The following GBP4 variants were observed in gnomAD, a reference collection of about 807,000 sequenced individuals.
The protein encoded by GBP4 is guanylate binding protein 4, also known as guanylate-binding protein 4.
In GBP4, 69 loss-of-function variants were observed where a neutral mutation model predicts 62.2. The observed-to-expected ratio is 1.11, with a 90% confidence interval of 0.91 to 1.36. GBP4 has a LOEUF of 1.36. Ranked by LOEUF, GBP4 falls within the 40% of genes most tolerant of loss-of-function variation. The pLI, the probability that GBP4 is intolerant of heterozygous loss-of-function variation, is 0.00. For synonymous variants in GBP4, 278 were observed against 274.6 expected (o/e 1.01, Z -0.12); for missense variants, 697 against 759.3 (o/e 0.92, Z 0.96).
rs1648142025 is a variant in GBP4 at position 89,190,160 on chromosome 1, G to A, written c.1075C>T (p.Leu359Phe). 16 of 1,614,046 alleles carry A rather than the reference G, an allele frequency of 9.9e-6. No individual in the cohort carries two copies. In the East Asian group the frequency reaches 3.6e-4, roughly 36 times the overall value. Residue 359 changes from leucine to phenylalanine, a missense_variant, in exon 7 of 11, where the codon CTC (leucine) becomes TTC (phenylalanine). This residue lies in a region of GBP4 where 556 missense variants were observed against 562.7 expected (regional missense o/e 0.99). Transcript: ENST00000355754. ...AGCTCCTGGAGCGTGTCTGTGGGGA[G>A]CCTCAGTTGCTGGGCCATCTGCTGG... The part of the protein sequence containing the change: ...YSQQMAQQLR[L>F]PTDTLQELLD...
chr1:89,187,444 C>T (rs573372719), intron 8 of GBP4, among the ~76,000 whole-genome samples: 5 of 152,176 alleles, frequency 3.3e-5, no homozygotes, highest in African/African-American at 9.6e-5. Context: ...GATTTGACAT[C>T]AAAAGCACAG....
At chr1:89,195,655 A>G (rs1648317023) in intron 2 of GBP4, among the ~76,000 whole-genome samples, 2 of 152,194 alleles carry the variant, frequency 1.3e-5, no homozygotes, top group Admixed American at 6.5e-5. Flanking sequence ...AATGGTGCCG[A>G]GCTGCTGAGC....
Position 89,185,242 on chromosome 1 carries a change from A to C in GBP4, c.*12T>G, listed in dbSNP as rs1648002675. On this transcript the variant is annotated 3_prime_UTR_variant, in exon 11 of 11. Coordinates refer to ENST00000355754, the MANE Select transcript of GBP4 (RefSeq NM_052941.5). Reference sequence around the variant, plus strand: ...CTCATTTTATATTTTCTTACCTGGAATATTCAGGCTCTTAAATACGTGAGC... The same window carrying C: ...CTCATTTTATATTTTCTTACCTGGACTATTCAGGCTCTTAAATACGTGAGC... The C allele has an allele frequency of 3.4e-6, 5 of 1,488,994 alleles. No individual in the cohort carries two copies. The highest frequency in any genetic ancestry group is 4.7e-6 in the Non-Finnish European group (5 of 1,071,264). The allele number at this position is 1,488,994 out of a possible 1,614,324, so 92.2% of individuals were successfully genotyped here.
chr1:89,197,099 AC>A lies in GBP4; in HGVS notation c.235+10del. The stretch of plus-strand genomic sequence containing the variant: ...CCAAGTAAATGGCTCCTGTCCTAGG[AC>A]CACACTCACCATTGCGCTTTCCTGC... On this transcript the variant is annotated intron_variant, in intron 2 of 10. Coordinates refer to ENST00000355754, the MANE Select transcript of GBP4 (RefSeq NM_052941.5). The A allele has an allele frequency of 1.2e-6, 2 of 1,605,398 alleles. No individual in the cohort carries two copies. Among genetic ancestry groups the A allele is most frequent in the African/African-American group, 1.3e-5 (1 of 74,920 alleles).
chr1:89,193,435 G>C (rs1406485389), intron 3 of GBP4, 23 bp from the exon 4 acceptor site: 1 of 1,572,554 alleles, frequency 6.4e-7, no homozygotes, highest in South Asian at 1.1e-5. Context: ...TAAAGCAAAA[G>C]ACTTAGGAGT....
In GBP4 at chr1:89,184,954, A is replaced by T. The variant is rs1353681063; in HGVS notation, c.*300T>A. 2 of 224,126 alleles carry T rather than the reference A, an allele frequency of 8.9e-6. No individual in the cohort carries two copies. The highest frequency in any genetic ancestry group is 1.7e-5 in the Non-Finnish European group (2 of 116,244). The allele number at this position is 224,126 out of a possible 1,614,324, so 13.9% of individuals were successfully genotyped here. On this transcript the variant is annotated 3_prime_UTR_variant, in exon 11 of 11. Coordinates refer to ENST00000355754, the MANE Select transcript of GBP4 (RefSeq NM_052941.5). ...TTCTGTGACTATAATATAAATTGCAAATGGTTAATGGCTTCTTAATCTTAC... is the reference window on the plus strand; with the variant it reads ...TTCTGTGACTATAATATAAATTGCATATGGTTAATGGCTTCTTAATCTTAC...
At chr1:89,197,011 G>A (rs1436864937) in intron 2 of GBP4, 99 bp downstream of exon 2, 4 of 904,998 alleles carry the variant, frequency 4.4e-6, no homozygotes, top group Non-Finnish European at 4.9e-6. Flanking sequence ...TTCATTGGGA[G>A]AAGTCATGCC....
chr1:89,197,855 G>A (rs1360616209), intron 1 of GBP4, among the ~76,000 whole-genome samples: 1 of 152,094 alleles, frequency 6.6e-6, no homozygotes, highest in African/African-American at 2.4e-5. Flanking sequence ...GCCTCTTGGA[G>A]CTCTATTTGT....
At chr1:89,195,220 T>G (rs140060453) in intron 3 of GBP4, 77 bp downstream of exon 3, 1 of 1,427,444 alleles carries the variant, frequency 7.0e-7, no homozygotes, top group Non-Finnish European at 9.7e-7. Context: ...TACAGAGATA[T>G]GTACAGAAGT....
At chr1:89,186,757 A>C (rs1044932969) in intron 9 of GBP4, among the ~76,000 whole-genome samples, 1 of 152,240 alleles carries the variant, frequency 6.6e-6, no homozygotes, top group Non-Finnish European at 1.5e-5. Flanking sequence ...AGCAGAGTAT[A>C]TGTTCTATAG....
chr1:89,191,586 G>T, intron 5 of GBP4, 80 bp from the exon 6 acceptor site: 1 of 1,361,822 alleles, frequency 7.3e-7, no homozygotes, highest in Non-Finnish European at 1.0e-6. Context: ...AGGGATCTTT[G>T]CATCCCTGCA....
In GBP4 at chr1:89,185,174, T is replaced by TA. The variant is rs1331021099; in HGVS notation, c.*79dup. On this transcript the variant is annotated 3_prime_UTR_variant, in exon 11 of 11. Coordinates refer to ENST00000355754, the MANE Select transcript of GBP4 (RefSeq NM_052941.5). ...ATGAAACTGCTATAACACATATACT[T>TA]ACAAAATGAGCAACAGTGTTATGTT... The TA allele has an allele frequency of 1.1e-6, 1 of 880,540 alleles. No individual in the cohort carries two copies. The highest frequency in any genetic ancestry group is 2.5e-5 in the East Asian group (1 of 39,646). 54.5% of individuals were successfully genotyped at this position (880,540 alleles called of 1,614,324 possible).
intron 1 of GBP4, among the ~76,000 whole-genome samples, chr1:89,197,937 C>T (rs762374818): frequency 1.3e-5 from 2 of 151,940 alleles, no homozygotes; most frequent in Non-Finnish European, 2.9e-5. Context: ...AGCCGGCGAC[C>T]GAGAGACGGC....
intron 8 of GBP4, among the ~76,000 whole-genome samples, chr1:89,187,762 A>G (rs60090783): frequency 5.5e-4 from 84 of 152,376 alleles, no homozygotes; most frequent in African/African-American, 1.9e-3. Flanking sequence ...CATCAGGGAA[A>G]TGCAAATCAA....
At position 89,185,188 on chromosome 1, in the gene GBP4, C is replaced by T. The variant is rs1647997628; in HGVS notation, c.*66G>A. The T allele has an allele frequency of 3.2e-6, 3 of 948,458 alleles. No individual in the cohort carries two copies. In the African/African-American group the frequency reaches 5.0e-5, roughly 16 times the overall value. 58.8% of individuals were successfully genotyped at this position (948,458 alleles called of 1,614,324 possible). A position where few individuals can be genotyped will look rare whatever the true frequency, so the allele number is the denominator to read the frequency against. On this transcript the variant is annotated 3_prime_UTR_variant, in exon 11 of 11. Coordinates refer to ENST00000355754, the MANE Select transcript of GBP4 (RefSeq NM_052941.5). ...ACACATATACTTACAAAATGAGCAA[C>T]AGTGTTATGTTATTAAAATAAAATA...
intron 8 of GBP4, among the ~76,000 whole-genome samples, chr1:89,187,520 A>G (rs1267477104): frequency 2.0e-5 from 3 of 152,232 alleles, no homozygotes; most frequent in Non-Finnish European, 2.9e-5. Context: ...AATAATCAGT[A>G]AAATGAAAAA....
Position 89,195,396 on chromosome 1 carries a change from A to G in GBP4, c.264T>C (p.Ser88=). The G allele has an allele frequency of 1.2e-6, 2 of 1,614,008 alleles. No homozygotes were observed. The highest frequency in any genetic ancestry group is 1.7e-6 in the Non-Finnish European group (2 of 1,179,890). Residue 88 remains serine, a synonymous_variant, in exon 3 of 11, where the codon TCT becomes TCC. Transcript: ENST00000355754. ...ACCACATCCAGATGCCCTTAGTTTC[A>G]GACTGCACCGTGGAGCCCAGAGGGA... The part of the protein sequence containing the change: ...NGFPLGSTVQ[S]ETKGIWMWCV...
At chr1:89,190,765 G>A (rs1648160998) in intron 6 of GBP4, among the ~76,000 whole-genome samples, 2 of 151,840 alleles carry the variant, frequency 1.3e-5, no homozygotes, top group Admixed American at 1.3e-4. Flanking sequence ...TTTGAAGACA[G>A]TAACATAAAC....
Position 89,191,246 on chromosome 1 carries a change from C to CA in GBP4, c.916+14dup, listed in dbSNP as rs773491206. The CA allele has an allele frequency of 5.6e-6, 9 of 1,607,514 alleles. No homozygotes were observed. In the East Asian group the frequency reaches 1.6e-4, roughly 28 times the overall value. On this transcript the variant is annotated intron_variant, in intron 6 of 10. Transcript: ENST00000355754. The stretch of plus-strand genomic sequence containing the variant: ...GACCACAGACAGACATGCTTTGGGA[C>CA]AAAAAAAGACTCACGCTTTCCAGTG...
Sources: gnomAD v4.1 joint callset for allele counts (sites outside exome capture counted in the v4.1 genomes callset) on GRCh38, gnomAD v4.1.1 for gene constraint, gnomAD v4.1.1 regional missense constraint, MANE v1.5 for transcripts, NCBI Gene and HGNC (gene_info 2026-07-23, HGNC 2026-07-21) for gene names.